Variants in CDCA5 observed in about 807,000 individuals in gnomAD.
The protein encoded by CDCA5 is cell division cycle associated 5.
Under a neutral mutation model 25.7 loss-of-function variants are expected in CDCA5, and 14 were observed. The observed-to-expected ratio is 0.54, with a 90% CI of 0.36 to 0.85. The LOEUF (loss-of-function observed/expected upper bound fraction) is 0.85. Ranked by LOEUF, CDCA5 falls within the 40% of genes least tolerant of loss-of-function variation. CDCA5 has a pLI of 0.01. For synonymous variants in CDCA5, 127 were observed against 128.7 expected, an observed-to-expected ratio of 0.99 and a Z score of 0.09; for missense variants, 307 against 324.5, an observed-to-expected ratio of 0.95 and a Z score of 0.41.
intron 1 of CDCA5, among the ~76,000 whole-genome samples, chr11:65,070,620 A>G (rs1299911873): frequency 2.0e-5 from 3 of 152,048 alleles, no homozygotes; most frequent in African/African-American, 7.2e-5. Flanking sequence ...AGTAGCTACA[A>G]CTGCAGGCCT....
chr11:65,066,151 T>G, downstream of CDCA5: 1 of 220,904 alleles, frequency 4.5e-6, no homozygotes, highest in Non-Finnish European at 8.9e-6. Context: ...GGCAGGGCCA[T>G]GTCGGGGAGG....
At position 65,066,733 on chromosome 11, in the gene CDCA5, C is replaced by T. The variant is rs1947246252; in HGVS notation, c.436-54G>A. ...GGGTAGCCAGCCATGCAGGACAACC[C>T]GAAGCCCCTCTAGGAGAGCTGGGCT... On this transcript the variant is annotated intron_variant, in intron 5 of 6. Coordinates refer to the CDCA5 transcript ENST00000525464. 7 of 1,287,162 alleles carry T rather than the reference C, an allele frequency of 5.4e-6. No homozygotes were observed. In the South Asian group the frequency reaches 6.2e-5, roughly 11 times the overall value. 79.7% of individuals were successfully genotyped at this position (1,287,162 alleles called of 1,614,324 possible).
chr11:65,062,713 C>T (rs777650119), downstream of CDCA5, among the ~76,000 whole-genome samples: 1 of 152,152 alleles, frequency 6.6e-6, no homozygotes, highest in Non-Finnish European at 1.5e-5. Context: ...AGGAAGATCG[C>T]TTGAGTCCAG....
At chr11:65,067,131 C>A (rs570989467) in intron 4 of CDCA5, among the ~76,000 whole-genome samples, 1 of 152,358 alleles carries the variant, frequency 6.6e-6, no homozygotes, top group Admixed American at 6.5e-5. Flanking sequence ...AAGAGCAGGG[C>A]AGGCTGCTTC....
At position 65,079,545 on chromosome 11, in the gene CDCA5, G is replaced by A; in HGVS notation, c.486C>T (p.Arg162=). The part of the protein sequence containing the change: ...LGSASTSTPG[R]RSCFGFEGLL... Reference sequence around the variant, plus strand: ...GCCCCTCGAAGCCAAAGCAGGACCGGCGGCCTGGGGTGGAGGTAGAGGCAG... The same window carrying A: ...GCCCCTCGAAGCCAAAGCAGGACCGACGGCCTGGGGTGGAGGTAGAGGCAG... The change falls in exon 5 of 6, where the codon CGC becomes CGT. Residue 162 remains arginine (R), a synonymous_variant. Coordinates refer to ENST00000275517, the MANE Select transcript of CDCA5 (RefSeq NM_080668.4). The A allele has an allele frequency of 1.2e-6, 2 of 1,614,126 alleles. No individual in the cohort carries two copies. Among genetic ancestry groups the A allele is most frequent in the Non-Finnish European group, 1.7e-6 (2 of 1,180,008 alleles).
intron 1 of CDCA5, among the ~76,000 whole-genome samples, chr11:65,070,920 GTT>G (rs1016023370): frequency 6.7e-6 from 1 of 150,140 alleles, no homozygotes; most frequent in African/African-American, 2.4e-5. Context: ...AGTGCTCACA[GTT>G]TGGGATTTTG....
intron 4 of CDCA5, 104 bp from the exon 5 acceptor site, chr11:65,079,891 CTT>C (rs56317442): frequency 0.098 from 52,750 of 536,160 alleles, 135 homozygotes; most frequent in Non-Finnish European, 0.11. Flanking sequence ...AGGACACACA[CTT>C]TTTTTTTTTT....
At chr11:65,072,176 G>T (rs975318657) in intron 1 of CDCA5, among the ~76,000 whole-genome samples, 6 of 152,236 alleles carry the variant, frequency 3.9e-5, no homozygotes, top group African/African-American at 1.2e-4. Flanking sequence ...TCACTTTTCA[G>T]AAGAGAAAAC....
At chr11:65,070,093 T>C (rs973214864) in intron 1 of CDCA5, among the ~76,000 whole-genome samples, 20 of 152,252 alleles carry the variant, frequency 1.3e-4, no homozygotes, top group African/African-American at 4.3e-4. Context: ...GAGGGAATGG[T>C]GTAAGCAAGA....
downstream of CDCA5, chr11:65,077,452 A>G: frequency 1.0e-6 from 1 of 985,438 alleles, no homozygotes; most frequent in Non-Finnish European, 1.2e-6. Context: ...AACACAGTCC[A>G]TGAACAGGCA....
exon 6 of CDCA5, chr11:65,066,660 C>A (rs1463482624): frequency 2.2e-5 from 29 of 1,289,032 alleles, no homozygotes; most frequent in East Asian, 5.5e-5. Flanking sequence ...CTCCTTCAGG[C>A]TCTTATACAA....
chr11:65,068,159 G>A, intron 2 of CDCA5: 1 of 1,206,056 alleles, frequency 8.3e-7, no homozygotes, highest in Non-Finnish European at 1.1e-6. Context: ...GAGGGTCACG[G>A]CTGCTCACCC....
intron 4 of CDCA5, among the ~76,000 whole-genome samples, chr11:65,082,143 G>A (rs1947580512): frequency 6.6e-6 from 1 of 152,094 alleles, no homozygotes; most frequent in Admixed American, 6.6e-5. Flanking sequence ...ACTGGTCTTG[G>A]AGCCCCAGGG....
At chr11:65,066,321 G>C, downstream of CDCA5, 1 of 1,158,290 alleles carries the variant, frequency 8.6e-7, no homozygotes, top group Non-Finnish European at 1.1e-6. Context: ...GTTTATTTCT[G>C]GGATCTAGGG....
rs1417066158 is a variant in CDCA5 at position 65,083,521 on chromosome 11, G to A, written c.171C>T (p.Pro57=). 1.2e-6 allele frequency: 2 copies of A among 1,614,200 alleles called. No homozygotes were observed. Among genetic ancestry groups the A allele is most frequent in the East Asian group, 2.2e-5 (1 of 44,890 alleles). ...GGGCCACGATCCTCTTTAAGACGATGGGCTTTCTGACTGCAGCCGCACTGG... is the reference window on the plus strand; with the variant it reads ...GGGCCACGATCCTCTTTAAGACGATAGGCTTTCTGACTGCAGCCGCACTGG... ...KTPSAAAVRK[P]IVLKRIVAHA... Residue 57 remains proline, a synonymous_variant, in exon 3 of 6, where the codon CCC becomes CCT. Coordinates refer to ENST00000275517, the MANE Select transcript of CDCA5 (RefSeq NM_080668.4).
Position 65,078,454 on chromosome 11 carries a change from T to G in CDCA5, c.*653A>C. The G allele has an allele frequency of 1.0e-6, 1 of 985,570 alleles. No individual in the cohort carries two copies. Among genetic ancestry groups the G allele is most frequent in the Non-Finnish European group, 1.2e-6 (1 of 829,986 alleles). 61.1% of individuals were successfully genotyped at this position (985,570 alleles called of 1,614,324 possible). A position where few individuals can be genotyped will look rare whatever the true frequency, so the allele number is the denominator to read the frequency against. ...CAGACCAGAACTAGAAAACACAGCT[T>G]CTGTGTAGTACACACTTATGGTCTG... On this transcript the variant is annotated 3_prime_UTR_variant, in exon 6 of 6. Coordinates refer to ENST00000275517, the MANE Select transcript of CDCA5 (RefSeq NM_080668.4).
At chr11:65,063,931 G>T (rs748950213), downstream of CDCA5, among the ~76,000 whole-genome samples, 3 of 152,180 alleles carry the variant, frequency 2.0e-5, no homozygotes, top group Non-Finnish European at 4.4e-5. Context: ...TGGCTGCAGG[G>T]ACTGACCTCA....
chr11:65,077,398 A>G (rs1947468161), downstream of CDCA5: 2 of 928,026 alleles, frequency 2.2e-6, no homozygotes, highest in Non-Finnish European at 2.6e-6. Flanking sequence ...AGCCCACTGG[A>G]GGCCTGGCCT....
In CDCA5 at chr11:65,077,910, G is replaced by A; in HGVS notation, c.*1197C>T. On this transcript the variant is annotated 3_prime_UTR_variant, in exon 6 of 6. Transcript: ENST00000275517. ...TCCACGAACTTCTAAACATCAAAAGGTACAATGGCCAGGGGTGCGGCAGGA... is the reference window on the plus strand; with the variant it reads ...TCCACGAACTTCTAAACATCAAAAGATACAATGGCCAGGGGTGCGGCAGGA... 3 of 985,594 alleles carry A rather than the reference G, an allele frequency of 3.0e-6. No homozygotes were observed. Among genetic ancestry groups the A allele is most frequent in the Non-Finnish European group, 3.6e-6 (3 of 830,026 alleles). 61.1% of individuals were successfully genotyped at this position (985,594 alleles called of 1,614,324 possible). A position where few individuals can be genotyped will look rare whatever the true frequency, so the allele number is the denominator to read the frequency against.
Sources: allele counts gnomAD v4.1 joint callset (sites outside exome capture counted in the v4.1 genomes callset), GRCh38; gene constraint gnomAD v4.1.1; transcripts MANE v1.5; gene names NCBI Gene and HGNC (gene_info 2026-07-23, HGNC 2026-07-21).